LMBRD2: variants seen among roughly 807,000 people sequenced by gnomAD.
LMBRD2 encodes the protein G protein-coupled receptor-associated protein LMBRD2.
Under a neutral mutation model 94.4 loss-of-function variants are expected in LMBRD2, and 55 were observed. The ratio of observed to expected loss-of-function variants is 0.58; its 90% CI spans 0.47 to 0.73. The LOEUF (loss-of-function observed/expected upper bound fraction) is 0.73. Among genes scored for constraint, LMBRD2 ranks in the 30% least tolerant of loss-of-function variants. The probability of loss-of-function intolerance (pLI) is 0.00; values close to 1 mark genes in which losing one functional copy is unlikely to be tolerated. For synonymous variants in LMBRD2, 246 were observed against 272.4 expected, an observed-to-expected ratio of 0.90 and a Z score of 0.95; for missense variants, 640 against 831.9, an observed-to-expected ratio of 0.77 and a Z score of 2.84.
chr5:36,122,557 G>A, intron 8 of LMBRD2, 94 bp from the exon 9 acceptor site: 1 of 1,115,010 alleles, frequency 9.0e-7, no homozygotes, highest in Non-Finnish European at 1.3e-6. Flanking sequence ...TCATAACAAT[G>A]GGAAAGTGCT....
At position 36,114,488 on chromosome 5, in the gene LMBRD2, C is replaced by T. The variant is rs1277880612; in HGVS notation, c.1576G>A (p.Ala526Thr). ...GGATAATATATATAGAATCCATCTG[C>T]AATAAAGGATAAAACTTTCATGGAA... is the stretch of plus-strand genomic sequence containing the variant. ...MGSMKVLSFI[A>T]DGFYIYYPML... Residue 526 changes from alanine to threonine, a missense_variant, in exon 13 of 18, where the codon GCA (alanine) becomes ACA (threonine). By Grantham distance (58) the Ala-to-Thr change is moderately conservative (BLOSUM62 0). Transcript: ENST00000296603. 1.3e-6 allele frequency: 2 copies of T among 1,563,446 alleles called. No individual in the cohort carries two copies. The highest frequency in any genetic ancestry group is 1.7e-6 in the Non-Finnish European group (2 of 1,160,904).
chr5:36,117,929 A>C lies in LMBRD2; in HGVS notation c.1121-13T>G. On this transcript the variant is annotated splice_polypyrimidine_tract_variant and intron_variant, in intron 9 of 17. Transcript: ENST00000296603. ...TCCCAGTACCATTCTAGAAGACAAA[A>C]GAAAAAAATGATTAGGAAAACTACA... The C allele has an allele frequency of 6.3e-7, 1 of 1,576,364 alleles. No individual in the cohort carries two copies. Among genetic ancestry groups the C allele is most frequent in the Non-Finnish European group, 8.6e-7 (1 of 1,164,222 alleles).
At chr5:36,136,202 C>T in intron 6 of LMBRD2, 107 bp downstream of exon 6, 1 of 998,932 alleles carries the variant, frequency 1.0e-6, no homozygotes, top group Non-Finnish European at 1.6e-6. Context: ...ACCAGTTTTG[C>T]AGTCTGAAGC....
At chr5:36,113,632 G>C (rs1022167073) in intron 13 of LMBRD2, among the ~76,000 whole-genome samples, 71 of 151,980 alleles carry the variant, frequency 4.7e-4, no homozygotes, top group Admixed American at 2.6e-3. Flanking sequence ...ACTATAAAAT[G>C]GTATTGGAAG....
rs558911536 is a variant in LMBRD2, at chr5:36,103,350, T to C, written c.*696A>G. 36 of 152,352 alleles carry C rather than the reference T, an allele frequency of 2.4e-4. No individual in the cohort carries two copies. The East Asian group carries it at 2.9e-3, about 12-fold the overall frequency. 9.4% of individuals were successfully genotyped at this position (152,352 alleles called of 1,614,324 possible). A position where few individuals can be genotyped will look rare whatever the true frequency, so the allele number is the denominator to read the frequency against. On this transcript the variant is annotated 3_prime_UTR_variant, in exon 18 of 18. Transcript: ENST00000296603. ...CTTTTATAAAGCAATACCAGAAGCA[T>C]AAAAAAATCCAGTTACTACAAAGAC... is the stretch of plus-strand genomic sequence containing the variant.
rs375297496 is a variant in LMBRD2, at chr5:36,098,612, A to T, written c.*5434T>A. The stretch of plus-strand genomic sequence containing the variant: ...AAAGCTACATTCTTTCCTATATTTT[A>T]ACAGCTAATCAAATAAACATTTCAA... On this transcript the variant is annotated 3_prime_UTR_variant, in exon 18 of 18. Coordinates refer to ENST00000296603, the MANE Select transcript of LMBRD2 (RefSeq NM_001007527.2). 8 of 152,210 alleles carry T rather than the reference A, an allele frequency of 5.3e-5. No homozygotes were observed. Among genetic ancestry groups the T allele is most frequent in the African/African-American group, 1.9e-4 (8 of 41,572 alleles). The allele number at this position is 152,210 out of a possible 1,614,324, so 9.4% of individuals were successfully genotyped here.
rs201602814 is a variant in LMBRD2 at position 36,106,508 on chromosome 5, C to CTT, written c.1898-1312_1898-1311insAA. On this transcript the variant is annotated intron_variant, in intron 16 of 17. Transcript: ENST00000296603. ...TCAAAATCCCAACTTTTTTTTCTTT[C>CTT]GTTTTTTTTTTTTTTTTTTTTGATG... Among the ~76,000 whole-genome samples, 359 of 132,826 alleles carry CTT rather than the reference C, an allele frequency of 2.7e-3. 9 individuals carry two copies. Among genetic ancestry groups the CTT allele is most frequent in the South Asian group, 3.7e-3 (16 of 4,276 alleles). 87.1% of individuals were successfully genotyped at this position (132,826 alleles called of 152,430 possible).
intron 11 of LMBRD2, among the ~76,000 whole-genome samples, chr5:36,115,744 G>A (rs1743727104): frequency 6.6e-6 from 1 of 151,940 alleles, no homozygotes; most frequent in Admixed American, 6.6e-5. Flanking sequence ...ACGAATGAAG[G>A]ATAAAAAATG....
Position 36,141,098 on chromosome 5 carries a change from G to T in LMBRD2, c.368+9C>A. The T allele has an allele frequency of 1.3e-6, 2 of 1,504,248 alleles. No individual in the cohort carries two copies. Among genetic ancestry groups the T allele is most frequent in the South Asian group, 1.2e-5 (1 of 84,036 alleles). The allele number at this position is 1,504,248 out of a possible 1,614,324, so 93.2% of individuals were successfully genotyped here. A position where few individuals can be genotyped will look rare whatever the true frequency, so the allele number is the denominator to read the frequency against. Reference sequence around the variant, plus strand: ...AATTTTAAAAATTTTATCATTTACTGTAACTTACCATGTTAAAAATTGTGA... The same window carrying T: ...AATTTTAAAAATTTTATCATTTACTTTAACTTACCATGTTAAAAATTGTGA... On this transcript the variant is annotated intron_variant, in intron 4 of 17. Transcript: ENST00000296603.
rs1397236159 is a variant in LMBRD2 at position 36,103,808 on chromosome 5, T to C, written c.*238A>G. On this transcript the variant is annotated 3_prime_UTR_variant, in exon 18 of 18. Coordinates refer to ENST00000296603, the MANE Select transcript of LMBRD2 (RefSeq NM_001007527.2). Reference sequence around the variant, plus strand: ...TTTCTTAAAGTCCTTCCACTGTAACTGTATTTCTAAGGCAGATGCTTAGGA... The same window carrying C: ...TTTCTTAAAGTCCTTCCACTGTAACCGTATTTCTAAGGCAGATGCTTAGGA... 2 of 317,434 alleles carry C rather than the reference T, an allele frequency of 6.3e-6. No individual in the cohort carries two copies. The highest frequency in any genetic ancestry group is 5.9e-6 in the Non-Finnish European group (1 of 170,102). The allele number at this position is 317,434 out of a possible 1,614,324, so 19.7% of individuals were successfully genotyped here. A position where few individuals can be genotyped will look rare whatever the true frequency, so the allele number is the denominator to read the frequency against.
At chr5:36,143,779 T>C (rs1744473807) in intron 1 of LMBRD2, among the ~76,000 whole-genome samples, 1 of 152,016 alleles carries the variant, frequency 6.6e-6, no homozygotes, top group Non-Finnish European at 1.5e-5. Context: ...AATAAGCTGT[T>C]AACTAAATCC....
intron 6 of LMBRD2, among the ~76,000 whole-genome samples, chr5:36,130,566 T>C (rs1437495592): frequency 1.3e-5 from 2 of 151,574 alleles, no homozygotes; most frequent in African/African-American, 4.9e-5. Context: ...ATGGCAGGAG[T>C]AAGTCCTCAC....
chr5:36,114,084 A>G (rs940358502), intron 13 of LMBRD2, among the ~76,000 whole-genome samples: 1 of 152,188 alleles, frequency 6.6e-6, no homozygotes, highest in African/African-American at 2.4e-5. Flanking sequence ...AAAGCTGGAC[A>G]TAAGGGTGTT....
rs575953450 is a variant in LMBRD2, at chr5:36,125,642, T to C, written c.748-1377A>G. Among the ~76,000 whole-genome samples the C allele has an allele frequency of 3.9e-5, 6 of 152,268 alleles. No individual in the cohort carries two copies. In the South Asian group the frequency reaches 1.2e-3, roughly 32 times the overall value. ...CTATACACAGCAAAAAGTGATATAA[T>C]CTATTTAAAGGTAATTTCACAACAT... On this transcript the variant is annotated intron_variant, in intron 6 of 17. Transcript: ENST00000296603.
chr5:36,126,618 C>A (rs1024847753), intron 6 of LMBRD2, among the ~76,000 whole-genome samples: 3 of 152,112 alleles, frequency 2.0e-5, no homozygotes, highest in Non-Finnish European at 4.4e-5. Flanking sequence ...TAGAGGTGAC[C>A]TTTTTGGCCA....
chr5:36,149,827 A>C (rs1002788280), intron 1 of LMBRD2, among the ~76,000 whole-genome samples: 30 of 152,214 alleles, frequency 2.0e-4, no homozygotes, highest in Admixed American at 1.0e-3. Flanking sequence ...GAATTGCTTG[A>C]ACATGGGAGG....
At chr5:36,105,251 G>A (rs915188429) in intron 16 of LMBRD2, 54 bp from the exon 17 acceptor site, 4 of 1,560,342 alleles carry the variant, frequency 2.6e-6, no homozygotes, top group Non-Finnish European at 3.5e-6. Context: ...TAACTTATGG[G>A]TCACAGTCTA....
At chr5:36,118,867 G>A (rs1024519608) in intron 9 of LMBRD2, among the ~76,000 whole-genome samples, 1 of 151,766 alleles carries the variant, frequency 6.6e-6, no homozygotes, top group Non-Finnish European at 1.5e-5. Flanking sequence ...CTAATTTTTT[G>A]TATTTTTAGT....
At chr5:36,150,120 A>C (rs1214898714) in intron 1 of LMBRD2, among the ~76,000 whole-genome samples, 5 of 152,296 alleles carry the variant, frequency 3.3e-5, no homozygotes, top group South Asian at 2.1e-4. Flanking sequence ...GGCAAAAAAA[A>C]ATTATTCCCA....
Sources: gnomAD v4.1 joint callset for allele counts (sites outside exome capture counted in the v4.1 genomes callset) on GRCh38, gnomAD v4.1.1 for gene constraint, MANE v1.5 for transcripts, NCBI Gene and HGNC (gene_info 2026-07-23, HGNC 2026-07-21) for gene names.